The following BBS12 variants were observed in gnomAD, a reference collection of about 807,000 sequenced individuals.
The protein encoded by BBS12 is chaperonin-containing T-complex member BBS12.
Under a neutral mutation model 5.6 loss-of-function variants are expected in BBS12, and 5 were observed. That is an observed-to-expected ratio of 0.89 (90% confidence interval 0.46 to 1.86). The LOEUF (loss-of-function observed/expected upper bound fraction) is 1.86. Among genes scored for constraint, BBS12 ranks in the 40% most tolerant of loss-of-function variants. The probability of loss-of-function intolerance (pLI) is 0.01; values close to 1 mark genes in which losing one functional copy is unlikely to be tolerated. For synonymous variants in BBS12, 308 were observed against 306.8 expected (o/e 1.00, Z -0.04); for missense variants, 748 against 830.4 (o/e 0.90, Z 1.22).
At chr4:122,714,956 T>G in the BBS12 span, among the ~76,000 whole-genome samples, 1 of 152,048 alleles carries the variant, frequency 6.6e-6, no homozygotes, top group African/African-American at 2.4e-5. Flanking sequence ...AAACAGAATT[T>G]TGGCTATTTT....
the BBS12 span, among the ~76,000 whole-genome samples, chr4:122,712,416 T>C: frequency 6.6e-6 from 1 of 152,242 alleles, no homozygotes; most frequent in Non-Finnish European, 1.5e-5. Context: ...TCTAAGCATA[T>C]GAGGCCTCTT....
the BBS12 span, among the ~76,000 whole-genome samples, chr4:122,724,554 C>T: frequency 6.6e-6 from 1 of 152,126 alleles, no homozygotes; most frequent in Non-Finnish European, 1.5e-5. Flanking sequence ...ACTGTGAAAC[C>T]ATAAAATAGT....
At chr4:122,718,199 C>T in the BBS12 span, among the ~76,000 whole-genome samples, 2 of 152,102 alleles carry the variant, frequency 1.3e-5, no homozygotes, top group African/African-American at 2.4e-5. Flanking sequence ...AAATAAGACA[C>T]CAGGAATGAA....
At chr4:122,738,151 C>CA (rs1033331753) in intron 1 of BBS12, among the ~76,000 whole-genome samples, 3 of 151,620 alleles carry the variant, frequency 2.0e-5, no homozygotes, top group South Asian at 4.1e-4. Flanking sequence ...TATGAGCAAA[C>CA]AAAAAAATAG....
chr4:122,744,427 A>G lies in BBS12; in HGVS notation c.*402A>G. 1 of 189,022 alleles carries G rather than the reference A, an allele frequency of 5.3e-6. No homozygotes were observed. Among genetic ancestry groups the G allele is most frequent in the South Asian group, 1.4e-4 (1 of 7,154 alleles). 11.7% of individuals were successfully genotyped at this position (189,022 alleles called of 1,614,324 possible). ...TGGGTTATTAACTGCTTTTATAGTA[A>G]GCAAAAAAATCCTGGTCTTTGTCCA... On this transcript the variant is annotated 3_prime_UTR_variant, in exon 2 of 2. Transcript: ENST00000314218.
rs538077275 is a variant in BBS12, at chr4:122,743,189, G to C, written c.1297G>C (p.Val433Leu). Residue 433 changes from valine to leucine, a missense_variant, in exon 2 of 2, where the codon GTA (valine) becomes CTA (leucine). Physicochemically the swap from Val to Leu is conservative, Grantham distance 32. Transcript: ENST00000314218. Reference protein sequence around the residue: ...IEKCINSKRLVIGSVNGSVMQ... With the variant: ...IEKCINSKRLLIGSVNGSVMQ... ...AAAATGTATAAACAGTAAGCGGTTG[G>C]TAATCGGCTCAGTGAATGGCAGTGT... The C allele has an allele frequency of 6.2e-7, 1 of 1,614,220 alleles. No individual in the cohort carries two copies. Among genetic ancestry groups the C allele is most frequent in the South Asian group, 1.1e-5 (1 of 91,074 alleles).
chr4:122,702,022 G>T, the BBS12 span, among the ~76,000 whole-genome samples: 3 of 151,976 alleles, frequency 2.0e-5, no homozygotes, highest in Non-Finnish European at 2.9e-5. Flanking sequence ...CATGGAAAGG[G>T]AGAAAAAAAA....
the BBS12 span, among the ~76,000 whole-genome samples, chr4:122,700,786 T>C: frequency 6.6e-6 from 1 of 152,220 alleles, no homozygotes; most frequent in African/African-American, 2.4e-5. Flanking sequence ...TATTAGACTC[T>C]AAGCTCTAAA....
chr4:122,704,380 A>G, the BBS12 span, among the ~76,000 whole-genome samples: 6 of 152,210 alleles, frequency 3.9e-5, no homozygotes, highest in Non-Finnish European at 8.8e-5. Flanking sequence ...AAGTATATAA[A>G]CAATTGGCTA....
In BBS12 at chr4:122,743,655, T is replaced by A; in HGVS notation, c.1763T>A (p.Leu588His). 6.2e-7 allele frequency: 1 copy of A among 1,614,182 alleles called. No homozygotes were observed. The highest frequency in any genetic ancestry group is 8.5e-7 in the Non-Finnish European group (1 of 1,180,020). The change falls in exon 2 of 2, where the codon CTT (leucine) becomes CAT (histidine). Residue 588 changes from leucine (L) to histidine (H), a missense_variant. Physicochemically the swap from Leu to His is moderately conservative, Grantham distance 99. Transcript: ENST00000314218. ...CTGGCAATATACAGACCAACTGTGC[T>A]TAAATTCCTGGCAAATGGATGGCAG... ...SSLAIYRPTV[L>H]KFLANGWQKY...
the BBS12 span, among the ~76,000 whole-genome samples, chr4:122,706,825 G>A: frequency 6.6e-6 from 1 of 152,146 alleles, no homozygotes; most frequent in Non-Finnish European, 1.5e-5. Context: ...TAGAAACCAT[G>A]TGCATGTTCC....
chr4:122,723,916 G>T, the BBS12 span, among the ~76,000 whole-genome samples: 74 of 152,256 alleles, frequency 4.9e-4, no homozygotes, highest in Non-Finnish European at 9.3e-4. Flanking sequence ...CAAGCAAATA[G>T]TTATAAAAGA....
chr4:122,716,555 A>G, the BBS12 span, among the ~76,000 whole-genome samples: 1 of 149,510 alleles, frequency 6.7e-6, no homozygotes, highest in Non-Finnish European at 1.5e-5. Context: ...GTATATATAC[A>G]CATATGTATA....
At position 122,743,930 on chromosome 4, in the gene BBS12, G is replaced by A. The variant is rs1305057497; in HGVS notation, c.2038G>A (p.Val680Ile). ...GGCGTGGCGCCGAGCATTGGATTTAGTATTGTTAGTACTTCAGACAGACAG... is the reference window on the plus strand; with the variant it reads ...GGCGTGGCGCCGAGCATTGGATTTAATATTGTTAGTACTTCAGACAGACAG... Reference protein sequence around the residue: ...IEAWRRALDLVLLVLQTDSEI... With the variant: ...IEAWRRALDLILLVLQTDSEI... The change falls in exon 2 of 2, where the codon GTA becomes ATA. Residue 680 changes from valine (V) to isoleucine (I), a missense_variant. Val to Ile is a conservative substitution (Grantham distance 29, BLOSUM62 3). Coordinates refer to ENST00000314218, the MANE Select transcript of BBS12 (RefSeq NM_152618.3). 4 of 1,610,752 alleles carry A rather than the reference G, an allele frequency of 2.5e-6. No homozygotes were observed. The highest frequency in any genetic ancestry group is 1.1e-5 in the South Asian group (1 of 90,444).
chr4:122,728,232 G>A (rs973242877), upstream of BBS12, among the ~76,000 whole-genome samples: 8 of 152,002 alleles, frequency 5.3e-5, no homozygotes, highest in Non-Finnish European at 7.4e-5. Flanking sequence ...TAAGCAAAAC[G>A]TTGGAAACTA....
At chr4:122,739,844 G>A (rs755731360) in intron 1 of BBS12, among the ~76,000 whole-genome samples, 14 of 152,316 alleles carry the variant, frequency 9.2e-5, no homozygotes, top group Non-Finnish European at 1.9e-4. Flanking sequence ...CCATGCCCCC[G>A]CTCCCTTTAA....
intron 1 of BBS12, among the ~76,000 whole-genome samples, chr4:122,733,427 C>CACACACA (rs1800736004): frequency 9.4e-6 from 1 of 106,522 alleles, no homozygotes; most frequent in Non-Finnish European, 2.0e-5. Context: ...ACACACACAT[C>CACACACA]CAGCCATTTC....
At chr4:122,716,660 CATACACATATGTGTATAT>C in the BBS12 span, among the ~76,000 whole-genome samples, 23 of 59,640 alleles carry the variant, frequency 3.9e-4, 2 homozygotes, top group South Asian at 2.0e-3. Flanking sequence ...TGTATATGCA[CATACACATATGTGTATAT>C]ATACACATAT....
chr4:122,708,615 A>G, the BBS12 span, among the ~76,000 whole-genome samples: 1 of 152,138 alleles, frequency 6.6e-6, no homozygotes, highest in Non-Finnish European at 1.5e-5. Context: ...TGTCTTCTAA[A>G]ATTTGGGATG....
Sources: gnomAD v4.1 joint callset for allele counts (sites outside exome capture counted in the v4.1 genomes callset) on GRCh38, gnomAD v4.1.1 for gene constraint, MANE v1.5 for transcripts, NCBI Gene and HGNC (gene_info 2026-07-23, HGNC 2026-07-21) for gene names.